Variants in ABCA8 observed in about 807,000 individuals in gnomAD.
ABCA8 encodes the protein ATP binding cassette subfamily A member 8, also known as ABC-type organic anion transporter ABCA8.
ABCA8 carries 177 observed loss-of-function variants against 192.3 expected under a neutral mutation model. The ratio of observed to expected loss-of-function variants is 0.92; its 90% CI spans 0.81 to 1.04. The LOEUF (loss-of-function observed/expected upper bound fraction) is 1.04, where lower values mean the gene tolerates loss of function less well. ABCA8 is among the 50% of genes least tolerant of loss of function. The probability of loss-of-function intolerance (pLI) is 0.00; values close to 1 mark genes in which losing one functional copy is unlikely to be tolerated. For synonymous variants in ABCA8, 642 were observed against 690.2 expected (o/e 0.93, Z 1.09); for missense variants, 1,915 against 1,904.8 (o/e 1.01, Z -0.10).
In ABCA8 at chr17:68,917,342, C is replaced by G. The variant is rs770859222; in HGVS notation, c.2138+19G>C. Reference sequence around the variant, plus strand: ...AGCCTTACACTAGATCTACTCCCAGCCTTCTTAAGTGACCTTACCTTAAGT... The same window carrying G: ...AGCCTTACACTAGATCTACTCCCAGGCTTCTTAAGTGACCTTACCTTAAGT... On this transcript the variant is annotated intron_variant, in intron 17 of 39. Coordinates refer to ENST00000586539, the MANE Select transcript of ABCA8 (RefSeq NM_001288985.2). 15 of 1,529,862 alleles carry G rather than the reference C, an allele frequency of 9.8e-6. No homozygotes were observed. Among genetic ancestry groups the G allele is most frequent in the South Asian group, 6.9e-5 (6 of 86,378 alleles). The allele number at this position is 1,529,862 out of a possible 1,614,324, so 94.8% of individuals were successfully genotyped here. A position where few individuals can be genotyped will look rare whatever the true frequency, so the allele number is the denominator to read the frequency against.
At chr17:68,912,187 T>C (rs1338021718) in intron 17 of ABCA8, among the ~76,000 whole-genome samples, 1 of 152,148 alleles carries the variant, frequency 6.6e-6, no homozygotes, top group Non-Finnish European at 1.5e-5. Context: ...AAAATAGTTG[T>C]TTTGAGGAAG....
intron 21 of ABCA8, among the ~76,000 whole-genome samples, chr17:68,896,999 G>T (rs1050252101): frequency 6.6e-6 from 1 of 152,154 alleles, no homozygotes; most frequent in East Asian, 1.9e-4. Context: ...GAACAGAAAC[G>T]TGTTCTTATG....
In ABCA8 at chr17:68,928,032, T is replaced by G; in HGVS notation, c.1157A>C (p.Asn386Thr). Residue 386 changes from asparagine to threonine, a missense_variant, in exon 10 of 40, where the codon AAT becomes ACT. Coordinates refer to ENST00000586539, the MANE Select transcript of ABCA8 (RefSeq NM_001288985.2). ...LLHLDYDLNS[N>T]AFPHPSDGSN... ...GCCGTCCGATGGATGAGGAAATGCA[T>G]TAGAATTCAAATCATAGTCCAAGTG... The G allele has an allele frequency of 6.3e-7, 1 of 1,598,342 alleles. No homozygotes were observed. Among genetic ancestry groups the G allele is most frequent in the South Asian group, 1.2e-5 (1 of 86,826 alleles).
At chr17:68,930,030 A>T (rs2067817994) in intron 7 of ABCA8, among the ~76,000 whole-genome samples, 1 of 151,492 alleles carries the variant, frequency 6.6e-6, no homozygotes, top group Non-Finnish European at 1.5e-5. Context: ...TTTGGATCGA[A>T]CATTTTATTT....
rs2068322589 is a variant in ABCA8, at chr17:68,944,318, ATATATATATATATAT to A, written c.-5-2294_-5-2280del. On this transcript the variant is annotated intron_variant, in intron 2 of 39. Coordinates refer to ENST00000586539, the MANE Select transcript of ABCA8 (RefSeq NM_001288985.2). The stretch of plus-strand genomic sequence containing the variant: ...CACATGTAGCCCAGAACTTAAAGTT[ATATATATATATATAT>A]ATATATATATATATATATATATATA... Among the ~76,000 whole-genome samples, 482 of 55,060 alleles carry A rather than the reference ATATATATATATATAT, an allele frequency of 8.8e-3. 36 individuals are homozygous for A. The highest frequency in any genetic ancestry group is 0.026 in the African/African-American group (444 of 16,850). The allele number at this position is 55,060 out of a possible 152,430, so 36.1% of individuals were successfully genotyped here.
chr17:68,897,483 G>A (rs1406903766), intron 21 of ABCA8, among the ~76,000 whole-genome samples: 1 of 152,114 alleles, frequency 6.6e-6, no homozygotes, highest in Non-Finnish European at 1.5e-5. Flanking sequence ...TATACAGGAA[G>A]AAAAGTAGGC....
intron 26 of ABCA8, among the ~76,000 whole-genome samples, chr17:68,886,423 A>G (rs2066463078): frequency 6.6e-6 from 1 of 152,096 alleles, no homozygotes; most frequent in Non-Finnish European, 1.5e-5. Context: ...TTTGTACCTC[A>G]TACTTCTCTT....
At chr17:68,927,665 C>T (rs963987526) in intron 10 of ABCA8, among the ~76,000 whole-genome samples, 1 of 151,662 alleles carries the variant, frequency 6.6e-6, no homozygotes, top group Non-Finnish European at 1.5e-5. Flanking sequence ...AAAAAAATAC[C>T]ATATACTTAA....
intron 2 of ABCA8, among the ~76,000 whole-genome samples, chr17:68,947,361 A>G (rs2068439128): frequency 2.0e-5 from 3 of 152,258 alleles, no homozygotes; most frequent in South Asian, 2.1e-4. Context: ...ATTTGCCAAT[A>G]TTTTACTTGG....
chr17:68,949,840 C>T (rs2068518878), intron 1 of ABCA8, among the ~76,000 whole-genome samples: 1 of 152,184 alleles, frequency 6.6e-6, no homozygotes, highest in Non-Finnish European at 1.5e-5. Flanking sequence ...CAATATCATA[C>T]TGAATGGGTA....
At chr17:68,926,655 T>G (rs1309963990) in intron 10 of ABCA8, among the ~76,000 whole-genome samples, 1 of 152,188 alleles carries the variant, frequency 6.6e-6, no homozygotes, top group Non-Finnish European at 1.5e-5. Context: ...TTCAAACAAT[T>G]CTAATTGTGT....
chr17:68,924,661 C>T (rs1478636961), intron 11 of ABCA8, 40 bp downstream of exon 11: 3 of 1,591,382 alleles, frequency 1.9e-6, no homozygotes, highest in African/African-American at 1.4e-5. Context: ...CTCTTAGCTT[C>T]CTGCCTTTTT....
rs760093929 is a variant in ABCA8, at chr17:68,940,762, C to T, written c.297G>A (p.Leu99=). ...TTAAGTAACTAGAAAACTTACCTGC[C>T]AGGAAGGGAGTAGAGGCTACTTTAT... is the stretch of plus-strand genomic sequence containing the variant. The part of the protein sequence containing the change: ...IMNKVASTPF[L]AGKEVLGLPD... Residue 99 remains leucine (L), a synonymous_variant, in exon 4 of 40, where the codon CTG becomes CTA. Transcript: ENST00000586539. The T allele has an allele frequency of 1.2e-6, 2 of 1,612,278 alleles. No homozygotes were observed. Among genetic ancestry groups the T allele is most frequent in the African/African-American group, 1.3e-5 (1 of 74,860 alleles).
intron 24 of ABCA8, among the ~76,000 whole-genome samples, chr17:68,888,588 A>G (rs542184689): frequency 1.3e-5 from 2 of 152,300 alleles, no homozygotes; most frequent in East Asian, 3.9e-4. Flanking sequence ...TTGGATCTTT[A>G]GGAAATGACT....
rs549275571 is a variant in ABCA8, at chr17:68,915,057, A to C, written c.2138+2304T>G. Among the ~76,000 whole-genome samples the C allele has an allele frequency of 2.5e-3, 377 of 152,240 alleles. 1 individual carries two copies. The highest frequency in any genetic ancestry group is 3.0e-3 in the Non-Finnish European group (201 of 67,934). Reference sequence around the variant, plus strand: ...ATTGGGGAAAGTCTCTTCAATAAACAGTGCTAAGAAAACTGGATATCCATA... The same window carrying C: ...ATTGGGGAAAGTCTCTTCAATAAACCGTGCTAAGAAAACTGGATATCCATA... On this transcript the variant is annotated intron_variant, in intron 17 of 39. Coordinates refer to ENST00000586539, the MANE Select transcript of ABCA8 (RefSeq NM_001288985.2).
In ABCA8 at chr17:68,894,620, C is replaced by A. The variant is rs116368114; in HGVS notation, c.2898+260G>T. ...TTTTGGAATACATGTGTTATAAAAT[C>A]CTTGAGGGGAAACATGAAATGTTCG... On this transcript the variant is annotated intron_variant, in intron 22 of 39. Transcript: ENST00000586539. 5.7e-3 allele frequency among the ~76,000 whole-genome samples: 871 copies of A among 152,138 alleles called. 11 individuals carry two copies. The highest frequency in any genetic ancestry group is 0.02 in the African/African-American group (828 of 41,518).
chr17:68,951,944 A>G (rs2143828823), intron 1 of ABCA8, among the ~76,000 whole-genome samples: 1 of 152,244 alleles, frequency 6.6e-6, no homozygotes, highest in East Asian at 1.9e-4. Flanking sequence ...CTCACGTTAA[A>G]CCTACTTTTC....
At chr17:68,933,629 G>A (rs779836061) in intron 5 of ABCA8, among the ~76,000 whole-genome samples, 20 of 152,124 alleles carry the variant, frequency 1.3e-4, no homozygotes, top group Non-Finnish European at 4.4e-5. Context: ...AGTTCACAGA[G>A]CCTAACATGG....
At chr17:68,874,530 C>T (rs2066150737) in intron 37 of ABCA8, among the ~76,000 whole-genome samples, 1 of 152,218 alleles carries the variant, frequency 6.6e-6, no homozygotes, top group African/African-American at 2.4e-5. Flanking sequence ...ACCTATTTCG[C>T]TTATTCCCTG....
Sources: allele counts gnomAD v4.1 joint callset (sites outside exome capture counted in the v4.1 genomes callset), GRCh38; gene constraint gnomAD v4.1.1; transcripts MANE v1.5; gene names NCBI Gene and HGNC (gene_info 2026-07-23, HGNC 2026-07-21).